Variants in PTPRN2 observed in about 807,000 individuals in gnomAD.
The protein encoded by PTPRN2 is receptor-type tyrosine-protein phosphatase N2.
In PTPRN2, 74 loss-of-function variants were observed where a neutral mutation model predicts 118.8. That is an observed-to-expected ratio of 0.62 (90% CI 0.52 to 0.76). PTPRN2 has a LOEUF of 0.76. Among genes scored for constraint, PTPRN2 ranks in the 30% least tolerant of loss-of-function variants. The pLI is 0.00. For synonymous variants in PTPRN2, 641 were observed against 608.0 expected, an observed-to-expected ratio of 1.05 and a Z score of -0.80; for missense variants, 1,481 against 1,394.4, an observed-to-expected ratio of 1.06 and a Z score of -0.99.
intron 11 of PTPRN2, among the ~76,000 whole-genome samples, chr7:157,918,862 C>T (rs72621120): frequency 0.21 from 32,031 of 152,166 alleles, 3,735 homozygotes; most frequent in Admixed American, 0.36. Flanking sequence ...AAGGGCCTGA[C>T]GGCGGCCATC....
intron 11 of PTPRN2, among the ~76,000 whole-genome samples, chr7:157,982,858 T>A (rs145389890): frequency 0.031 from 4,034 of 128,856 alleles, 145 homozygotes; most frequent in Admixed American, 0.068. Flanking sequence ...AGGAGGGGAA[T>A]GCAGAGTACC....
chr7:158,059,341 C>A (rs1293625386), intron 11 of PTPRN2, among the ~76,000 whole-genome samples: 2 of 135,766 alleles, frequency 1.5e-5, no homozygotes, highest in Non-Finnish European at 3.0e-5. Flanking sequence ...TCACTGCAGC[C>A]ACACTCCATC....
At chr7:158,056,316 G>C (rs1809791256) in intron 11 of PTPRN2, among the ~76,000 whole-genome samples, 1 of 152,254 alleles carries the variant, frequency 6.6e-6, no homozygotes, top group Middle Eastern at 3.2e-3. Flanking sequence ...TCCACACAGA[G>C]GCCGGGAGCA....
chr7:158,044,116 C>G (rs887074982), intron 11 of PTPRN2, among the ~76,000 whole-genome samples: 3 of 152,174 alleles, frequency 2.0e-5, no homozygotes. Flanking sequence ...CAGGGTGTTT[C>G]AGATAAAAAA....
rs1305566589 is a variant in PTPRN2, at chr7:157,858,216, CCA to C, written c.1788+40455_1788+40456del. Reference sequence around the variant, plus strand: ...CCCACACTCCTGCAGGGAGAGCCTCCCAGCCACCACCCACACTCCTGCAGGGA... The same window carrying C: ...CCCACACTCCTGCAGGGAGAGCCTCCGCCACCACCCACACTCCTGCAGGGA... On this transcript the variant is annotated intron_variant, in intron 12 of 22. Coordinates refer to ENST00000389418, the MANE Select transcript of PTPRN2 (RefSeq NM_002847.5). 1.9e-3 allele frequency among the ~76,000 whole-genome samples: 38 copies of C among 19,732 alleles called. 9 individuals are homozygous for C. The East Asian group carries it at 0.024, about 12-fold the overall frequency. 12.9% of individuals were successfully genotyped at this position (19,732 alleles called of 152,430 possible). A position where few individuals can be genotyped will look rare whatever the true frequency, so the allele number is the denominator to read the frequency against.
intron 12 of PTPRN2, among the ~76,000 whole-genome samples, chr7:157,811,529 C>G (rs1382830727): frequency 1.3e-5 from 2 of 151,920 alleles, no homozygotes; most frequent in Admixed American, 6.6e-5. Context: ...GGCTGGCACC[C>G]AAATCCTAAG....
intron 9 of PTPRN2, among the ~76,000 whole-genome samples, chr7:158,118,350 A>C (rs546277792): frequency 4.6e-5 from 7 of 152,186 alleles, no homozygotes; most frequent in Admixed American, 2.6e-4. Context: ...TAATTTTCAG[A>C]TGTTAAATCT....
At chr7:157,839,958 C>T in intron 12 of PTPRN2, among the ~76,000 whole-genome samples, 1 of 146,438 alleles carries the variant, frequency 6.8e-6, no homozygotes, top group Non-Finnish European at 1.5e-5. Context: ...GACTGTGTGG[C>T]CACGTGTGAC....
At chr7:157,945,511 C>CGTTCCCAA (rs1563262894) in intron 11 of PTPRN2, among the ~76,000 whole-genome samples, 1 of 152,154 alleles carries the variant, frequency 6.6e-6, no homozygotes, top group Non-Finnish European at 1.5e-5. Context: ...CTGAACCTGC[C>CGTTCCCAA]GTTCCCAACT....
chr7:158,226,214 G>C (rs1828762153), intron 3 of PTPRN2, among the ~76,000 whole-genome samples: 1 of 152,166 alleles, frequency 6.6e-6, no homozygotes, highest in Non-Finnish European at 1.5e-5. Flanking sequence ...TTCAATAAGA[G>C]TTACAAAAAC....
chr7:157,542,598 G>A (rs1398349659), intron 22 of PTPRN2, among the ~76,000 whole-genome samples: 1 of 152,202 alleles, frequency 6.6e-6, no homozygotes, highest in Non-Finnish European at 1.5e-5. Context: ...ATGCTATGGG[G>A]GAGGGGACGG....
At chr7:158,310,011 C>T (rs1801578132) in intron 3 of PTPRN2, among the ~76,000 whole-genome samples, 1 of 152,170 alleles carries the variant, frequency 6.6e-6, no homozygotes, top group African/African-American at 2.4e-5. Flanking sequence ...ACCCATGAAC[C>T]AGGAAGCCAC....
At chr7:158,553,777 C>A (rs1384204219) in intron 1 of PTPRN2, among the ~76,000 whole-genome samples, 1 of 151,596 alleles carries the variant, frequency 6.6e-6, no homozygotes, top group Non-Finnish European at 1.5e-5. Context: ...TGGGAGTCTA[C>A]ACCACCCTTC....
chr7:158,257,954 G>C (rs557705164), intron 3 of PTPRN2, among the ~76,000 whole-genome samples: 1 of 152,244 alleles, frequency 6.6e-6, no homozygotes, highest in Non-Finnish European at 1.5e-5. Context: ...CATGAGCTGA[G>C]AGTGGGATGG....
rs1040648813 is a variant in PTPRN2, at chr7:158,526,944, T to C, written c.113-37159A>G. Among the ~76,000 whole-genome samples the C allele has an allele frequency of 6.6e-6, 1 of 152,168 alleles. No individual in the cohort carries two copies. Among genetic ancestry groups the C allele is most frequent in the Non-Finnish European group, 1.5e-5 (1 of 68,028 alleles). On this transcript the variant is annotated intron_variant, in intron 1 of 22. Transcript: ENST00000389418. The surrounding 1 kb of genome is among the most constrained non-coding windows in gnomAD (Gnocchi z 5.2). ...ATTCATACAGTGGATTCCGCCACTT[T>C]CTTTCTAACACAATGAAGATAGAGT...
At chr7:158,518,754 A>T (rs1249270045) in intron 1 of PTPRN2, among the ~76,000 whole-genome samples, 1 of 152,034 alleles carries the variant, frequency 6.6e-6, no homozygotes, top group Non-Finnish European at 1.5e-5. Context: ...GGAGGCTGAA[A>T]CAGGTGAATT....
intron 21 of PTPRN2, among the ~76,000 whole-genome samples, chr7:157,565,848 T>C (rs890212679): frequency 6.6e-6 from 1 of 151,970 alleles, no homozygotes; most frequent in Non-Finnish European, 1.5e-5. Flanking sequence ...TCCTACACAA[T>C]CGTCTATTAT....
intron 2 of PTPRN2, among the ~76,000 whole-genome samples, chr7:158,358,640 C>T (rs1034767518): frequency 2.6e-5 from 4 of 152,338 alleles, no homozygotes; most frequent in Middle Eastern, 3.4e-3. Context: ...AGGAAGGAGA[C>T]GCTGACACAG....
chr7:158,420,249 G>A (rs781147769), intron 2 of PTPRN2, among the ~76,000 whole-genome samples: 1 of 152,140 alleles, frequency 6.6e-6, no homozygotes, highest in Non-Finnish European at 1.5e-5. Flanking sequence ...CAGTGAGGAG[G>A]AAGAGACTGC....
Sources: allele counts gnomAD v4.1 joint callset (sites outside exome capture counted in the v4.1 genomes callset), GRCh38; gene constraint gnomAD v4.1.1; non-coding constraint Gnocchi (gnomAD v3.1); transcripts MANE v1.5; gene names NCBI Gene and HGNC (gene_info 2026-07-23, HGNC 2026-07-21).